FAR2: variants seen among roughly 807,000 people sequenced by gnomAD.
FAR2 encodes fatty acyl-CoA reductase 2.
Under a neutral mutation model 56.0 loss-of-function variants are expected in FAR2, and 19 were observed. The observed-to-expected ratio is 0.34, with a 90% CI of 0.24 to 0.50. The LOEUF (loss-of-function observed/expected upper bound fraction) is 0.50. FAR2 is among the 20% of genes least tolerant of loss of function. The pLI is 0.98. For synonymous variants in FAR2, 219 were observed against 218.8 expected (o/e 1.00, Z -0.01); for missense variants, 508 against 642.2 (o/e 0.79, Z 2.26).
chr12:29,257,688 C>G (rs1948347985), intron 1 of FAR2, among the ~76,000 whole-genome samples: 1 of 152,048 alleles, frequency 6.6e-6, no homozygotes, highest in Non-Finnish European at 1.5e-5. Flanking sequence ...AGAGCTGTAA[C>G]ACTCACCTCG....
In FAR2 at chr12:29,173,997, A is replaced by T. The variant is rs142578473; in HGVS notation, c.-39+24590A>T. Among the ~76,000 whole-genome samples the T allele has an allele frequency of 2.9e-3, 448 of 152,274 alleles. 4 individuals are homozygous for T. Among genetic ancestry groups the T allele is most frequent in the African/African-American group, 9.9e-3 (411 of 41,552 alleles). ...AGTGGCCCTTACTGACACATTCTCG[A>T]AAACCTGTTGGAGTCCTAAGCATTC... On this transcript the variant is annotated intron_variant, in intron 1 of 11. Coordinates refer to ENST00000536681, the MANE Select transcript of FAR2 (RefSeq NM_001271783.2).
intron 10 of FAR2, 60 bp downstream of exon 10, chr12:29,321,984 T>C: frequency 6.5e-7 from 1 of 1,545,246 alleles, no homozygotes; most frequent in South Asian, 1.2e-5. Flanking sequence ...TTTAGAATTA[T>C]TTGATTTGGA....
chr12:29,150,250 G>A (rs928744826), intron 1 of FAR2, among the ~76,000 whole-genome samples: 4 of 152,180 alleles, frequency 2.6e-5, no homozygotes, highest in African/African-American at 9.7e-5. Context: ...CCAGAGGAAG[G>A]CGTCTCACCT....
intron 1 of FAR2, among the ~76,000 whole-genome samples, chr12:29,267,945 A>G (rs1948545897): frequency 6.6e-6 from 1 of 152,226 alleles, no homozygotes; most frequent in Admixed American, 6.5e-5. Context: ...GAGTGACAGC[A>G]AGGAACAGTC....
At chr12:29,212,896 G>A (rs866217284) in intron 1 of FAR2, among the ~76,000 whole-genome samples, 2 of 152,010 alleles carry the variant, frequency 1.3e-5, no homozygotes, top group Non-Finnish European at 2.9e-5. Flanking sequence ...ACAAGATAAC[G>A]TGTAAAATAC....
intron 1 of FAR2, among the ~76,000 whole-genome samples, chr12:29,198,066 C>T (rs929998609): frequency 6.6e-6 from 1 of 152,092 alleles, no homozygotes; most frequent in Non-Finnish European, 1.5e-5. Context: ...TAGCTGCGAA[C>T]AGCTGTGTAC....
chr12:29,332,524 A>C, intron 10 of FAR2, 76 bp from the exon 11 acceptor site: 1 of 1,592,918 alleles, frequency 6.3e-7, no homozygotes, highest in Non-Finnish European at 8.5e-7. Context: ...TCGTCTATGT[A>C]GAAGAAACCT....
intron 1 of FAR2, among the ~76,000 whole-genome samples, chr12:29,231,804 T>C (rs1351316663): frequency 6.6e-6 from 1 of 152,136 alleles, no homozygotes; most frequent in Admixed American, 6.5e-5. Context: ...ACACCTACCA[T>C]GCACTATGGA....
chr12:29,301,137 G>T (rs938233035), intron 4 of FAR2, among the ~76,000 whole-genome samples: 3 of 152,160 alleles, frequency 2.0e-5, no homozygotes, highest in Non-Finnish European at 2.9e-5. Context: ...AAATATTCCA[G>T]AAAGATGAAG....
chr12:29,158,468 G>A (rs1949751266), intron 1 of FAR2, among the ~76,000 whole-genome samples: 1 of 152,204 alleles, frequency 6.6e-6, no homozygotes, highest in African/African-American at 2.4e-5. Flanking sequence ...TCAGCAACTT[G>A]TACTTGCCAT....
intron 5 of FAR2, among the ~76,000 whole-genome samples, chr12:29,308,783 T>C (rs1193353864): frequency 6.7e-6 from 1 of 150,188 alleles, no homozygotes. Flanking sequence ...TGTTAAGAAA[T>C]GGGCCATTAA....
chr12:29,191,819 T>C (rs2136607895), intron 1 of FAR2, among the ~76,000 whole-genome samples: 1 of 152,340 alleles, frequency 6.6e-6, no homozygotes, highest in South Asian at 2.1e-4. Context: ...AACTAAAAAT[T>C]GTTTAAGAAG....
intron 9 of FAR2, among the ~76,000 whole-genome samples, chr12:29,319,330 G>C (rs1475404755): frequency 6.6e-6 from 1 of 152,170 alleles, no homozygotes; most frequent in African/African-American, 2.4e-5. Flanking sequence ...CTTAATGGGG[G>C]TAAGAATACT....
At chr12:29,329,323 G>A (rs531465127) in intron 10 of FAR2, among the ~76,000 whole-genome samples, 3 of 152,082 alleles carry the variant, frequency 2.0e-5, no homozygotes, top group East Asian at 1.9e-4. Flanking sequence ...TTTTCCTGCC[G>A]AAATAACTCA....
chr12:29,253,183 C>T lies in FAR2; in HGVS notation c.-38-17229C>T, dbSNP rs1948241639. Among the ~76,000 whole-genome samples the T allele has an allele frequency of 2.2e-5, 3 of 139,166 alleles. 1 individual carries two copies. The highest frequency in any genetic ancestry group is 7.1e-5 in the Admixed American group (1 of 14,110). The allele number at this position is 139,166 out of a possible 152,430, so 91.3% of individuals were successfully genotyped here. On this transcript the variant is annotated intron_variant, in intron 1 of 11. Transcript: ENST00000536681. ...AATGATTCTTTCTCTCCCTATCTCTCTCTCTATCTATCTATCTAGATAGGT... is the reference window on the plus strand; with the variant it reads ...AATGATTCTTTCTCTCCCTATCTCTTTCTCTATCTATCTATCTAGATAGGT...
intron 1 of FAR2, among the ~76,000 whole-genome samples, chr12:29,186,366 C>T (rs1950039546): frequency 6.6e-6 from 1 of 152,190 alleles, no homozygotes; most frequent in Admixed American, 6.5e-5. Flanking sequence ...TCAGCTGACT[C>T]CGTCTACTGT....
At chr12:29,187,164 G>C (rs1349754899) in intron 1 of FAR2, among the ~76,000 whole-genome samples, 1 of 152,008 alleles carries the variant, frequency 6.6e-6, no homozygotes, top group Non-Finnish European at 1.5e-5. Context: ...AAACATTCCT[G>C]TATTTCCTCC....
chr12:29,234,064 G>A (rs1947898237), intron 1 of FAR2, among the ~76,000 whole-genome samples: 1 of 152,092 alleles, frequency 6.6e-6, no homozygotes, highest in Non-Finnish European at 1.5e-5. Context: ...TCTATGTTCA[G>A]TCTTTCTCAC....
intron 1 of FAR2, among the ~76,000 whole-genome samples, chr12:29,214,659 A>G (rs1200954703): frequency 6.6e-6 from 1 of 151,960 alleles, no homozygotes; most frequent in Non-Finnish European, 1.5e-5. Flanking sequence ...CATCTCTACT[A>G]AAAATAAAAA....
Sources: gnomAD v4.1 joint callset for allele counts (sites outside exome capture counted in the v4.1 genomes callset) on GRCh38, gnomAD v4.1.1 for gene constraint, MANE v1.5 for transcripts, NCBI Gene and HGNC (gene_info 2026-07-23, HGNC 2026-07-21) for gene names.